HDAC9: variants seen among roughly 807,000 people sequenced by gnomAD.
HDAC9 encodes the protein MEF-2 interacting transcription repressor (MITR) protein.
In HDAC9, 41 loss-of-function variants were observed where a neutral mutation model predicts 139.4. The observed-to-expected ratio is 0.29, with a 90% CI of 0.23 to 0.38. The LOEUF (loss-of-function observed/expected upper bound fraction) is 0.38, where lower values mean the gene tolerates loss of function less well. Ranked by LOEUF, HDAC9 falls within the 10% of genes least tolerant of loss-of-function variation. HDAC9 has a pLI of 1.00. For missense variants in HDAC9, 1,147 were observed against 1,297.0 expected (o/e 0.88, Z 1.78); for synonymous variants, 517 against 476.2 (o/e 1.09, Z -1.12).
chr7:18,193,791 C>T (rs1052517265), intron 2 of HDAC9, among the ~76,000 whole-genome samples: 1 of 152,106 alleles, frequency 6.6e-6, no homozygotes, highest in Non-Finnish European at 1.5e-5. Context: ...GCCAAGGGGG[C>T]CGACTTGCCA....
At chr7:18,418,437 A>C (rs933506908) in intron 1 of HDAC9, among the ~76,000 whole-genome samples, 1 of 151,758 alleles carries the variant, frequency 6.6e-6, no homozygotes, top group African/African-American at 2.4e-5. Flanking sequence ...AAAAAAAAAA[A>C]AAAAACTACA....
At chr7:18,468,971 C>G (rs569453838) in intron 1 of HDAC9, among the ~76,000 whole-genome samples, 1 of 152,336 alleles carries the variant, frequency 6.6e-6, no homozygotes, top group African/African-American at 2.4e-5. Flanking sequence ...CCTTGGTCAT[C>G]TGTCTCACTT....
chr7:18,730,262 TAATCC>T (rs1785929769), intron 13 of HDAC9, among the ~76,000 whole-genome samples: 1 of 152,238 alleles, frequency 6.6e-6, no homozygotes, highest in Admixed American at 6.5e-5. Context: ...GCTCTGGCTT[TAATCC>T]AATCTTAAAT....
chr7:18,865,366 T>A (rs1296676924), intron 21 of HDAC9, among the ~76,000 whole-genome samples: 1 of 151,978 alleles, frequency 6.6e-6, no homozygotes, highest in Non-Finnish European at 1.5e-5. Flanking sequence ...GATGAAAAAT[T>A]GAGGCAATAA....
chr7:18,688,319 C>T (rs925773287), intron 12 of HDAC9, among the ~76,000 whole-genome samples: 1 of 151,712 alleles, frequency 6.6e-6, no homozygotes, highest in Admixed American at 6.6e-5. Context: ...ACTGCTGACA[C>T]CGGGAATGCA....
At chr7:18,305,411 C>A (rs1356200232) in intron 1 of HDAC9, among the ~76,000 whole-genome samples, 1 of 152,208 alleles carries the variant, frequency 6.6e-6, no homozygotes, top group Non-Finnish European at 1.5e-5. Flanking sequence ...AGTTTCCCCA[C>A]TTTCTCGACT....
chr7:18,318,870 A>G (rs886586086), intron 1 of HDAC9, among the ~76,000 whole-genome samples: 5 of 152,196 alleles, frequency 3.3e-5, no homozygotes, highest in African/African-American at 7.2e-5. Context: ...CGACTAGTAT[A>G]GTGCTTAGTA....
chr7:18,846,805 G>A (rs935141861), intron 21 of HDAC9, among the ~76,000 whole-genome samples: 22 of 152,278 alleles, frequency 1.4e-4, no homozygotes, highest in African/African-American at 5.3e-4. Context: ...GCTGACTAGA[G>A]GCTTTCTCAA....
chr7:18,725,796 A>T (rs1785499447), intron 12 of HDAC9, among the ~76,000 whole-genome samples: 1 of 152,164 alleles, frequency 6.6e-6, no homozygotes, highest in African/African-American at 2.4e-5. Context: ...GGACTATATT[A>T]ATCTTACTGC....
rs141966654 is a variant in HDAC9 at position 18,674,559 on chromosome 7, G to A, written c.1731+8083G>A. 8.4e-4 allele frequency among the ~76,000 whole-genome samples: 128 copies of A among 152,042 alleles called. 1 individual carries two copies. The highest frequency in any genetic ancestry group is 3.0e-3 in the African/African-American group (124 of 41,510). ...TTTGGTTTTTGAGGTCAGGGAAAAT[G>A]TACTCTATTGTGTTCATCATTGTTC... is the stretch of plus-strand genomic sequence containing the variant. On this transcript the variant is annotated intron_variant, in intron 12 of 25. Transcript: ENST00000686413.
intron 12 of HDAC9, among the ~76,000 whole-genome samples, chr7:18,673,806 T>A (rs185342537): frequency 6.6e-6 from 1 of 152,154 alleles, no homozygotes; most frequent in Non-Finnish European, 1.5e-5. Context: ...TTAATTAACA[T>A]AGAGGCATAA....
At chr7:18,578,291 GCT>G in intron 2 of HDAC9, 1 of 511,498 alleles carries the variant, frequency 2.0e-6, no homozygotes, top group Non-Finnish European at 3.9e-6. Context: ...GTTTTGGCCT[GCT>G]ATTCGTAACG....
intron 1 of HDAC9, among the ~76,000 whole-genome samples, chr7:18,392,679 G>T (rs945166742): frequency 6.6e-6 from 1 of 151,950 alleles, no homozygotes; most frequent in African/African-American, 2.4e-5. Context: ...GATATTGTTA[G>T]TATTTTACCT....
intron 1 of HDAC9, among the ~76,000 whole-genome samples, chr7:18,305,008 T>G (rs564051734): frequency 6.6e-6 from 1 of 151,982 alleles, no homozygotes; most frequent in East Asian, 1.9e-4. Flanking sequence ...AACTGGAAAT[T>G]CTAAATTGTG....
At chr7:18,513,573 T>A (rs924370298) in intron 2 of HDAC9, among the ~76,000 whole-genome samples, 1 of 152,190 alleles carries the variant, frequency 6.6e-6, no homozygotes, top group Non-Finnish European at 1.5e-5. Flanking sequence ...CCAAGGCCCT[T>A]GAGACCATTA....
chr7:18,943,415 C>G (rs943779813), intron 23 of HDAC9, among the ~76,000 whole-genome samples: 1 of 151,994 alleles, frequency 6.6e-6, no homozygotes, highest in African/African-American at 2.4e-5. Context: ...ACCGCTATGC[C>G]TTCTTCCATT....
chr7:18,246,883 G>A (rs1584824161), intron 2 of HDAC9, among the ~76,000 whole-genome samples: 1 of 152,110 alleles, frequency 6.6e-6, no homozygotes, highest in Non-Finnish European at 1.5e-5. Context: ...AAGAGTGAGA[G>A]TGCTAGAAGG....
chr7:18,772,343 A>T (rs892908486), intron 16 of HDAC9, among the ~76,000 whole-genome samples: 1 of 150,940 alleles, frequency 6.6e-6, no homozygotes, highest in Non-Finnish European at 1.5e-5. Flanking sequence ...GGAGGGAAAA[A>T]CCCCACCTTC....
chr7:18,518,825 A>G (rs1339971449), intron 2 of HDAC9, among the ~76,000 whole-genome samples: 1 of 152,230 alleles, frequency 6.6e-6, no homozygotes, highest in African/African-American at 2.4e-5. Flanking sequence ...AGCATACCTT[A>G]AAACATTAAA....
Sources: allele counts gnomAD v4.1 joint callset (sites outside exome capture counted in the v4.1 genomes callset), GRCh38; gene constraint gnomAD v4.1.1; transcripts MANE v1.5; gene names NCBI Gene and HGNC (gene_info 2026-07-23, HGNC 2026-07-21).